HOMER1: variants seen among roughly 807,000 people sequenced by gnomAD.
The protein encoded by HOMER1 is homer scaffold protein 1.
Under a neutral mutation model 48.9 loss-of-function variants are expected in HOMER1, and 3 were observed. That is an observed-to-expected ratio of 0.06 (90% CI 0.03 to 0.16). The LOEUF (loss-of-function observed/expected upper bound fraction) is 0.16. Among genes scored for constraint, HOMER1 ranks in the 10% least tolerant of loss-of-function variants. HOMER1 has a pLI of 1.00. For synonymous variants in HOMER1, 134 were observed against 146.4 expected (o/e 0.92, Z 0.61); for missense variants, 247 against 411.4 (o/e 0.60, Z 3.46).
chr5:79,387,350 A>G (rs971389088), intron 8 of HOMER1, among the ~76,000 whole-genome samples: 1 of 152,036 alleles, frequency 6.6e-6, no homozygotes, highest in African/African-American at 2.4e-5. Context: ...GCTAGTTGCA[A>G]ACTCCTAGTC....
intron 1 of HOMER1, among the ~76,000 whole-genome samples, chr5:79,465,799 T>G (rs570079109): frequency 1.8e-4 from 28 of 151,932 alleles, no homozygotes; most frequent in Non-Finnish European, 3.2e-4. Context: ...TTCACCGTGT[T>G]AGCCAGGATG....
intron 1 of HOMER1, among the ~76,000 whole-genome samples, chr5:79,487,499 T>C (rs1228629426): frequency 3.3e-5 from 5 of 152,132 alleles, no homozygotes; most frequent in Non-Finnish European, 7.4e-5. Context: ...TGCCGAGATC[T>C]AGCAACAAGT....
chr5:79,387,100 T>G (rs535840357), intron 8 of HOMER1, among the ~76,000 whole-genome samples: 2 of 147,658 alleles, frequency 1.4e-5, no homozygotes, highest in African/African-American at 5.0e-5. Context: ...TCTCTCTCTC[T>G]TTCTTTCACA....
intron 8 of HOMER1, among the ~76,000 whole-genome samples, chr5:79,393,342 G>C (rs1235646969): frequency 6.6e-6 from 1 of 152,084 alleles, no homozygotes; most frequent in Non-Finnish European, 1.5e-5. Context: ...GGAAGTCAGA[G>C]AAATTAACAT....
At chr5:79,472,002 A>C (rs1030730530) in intron 1 of HOMER1, among the ~76,000 whole-genome samples, 9 of 151,896 alleles carry the variant, frequency 5.9e-5, no homozygotes, top group African/African-American at 1.9e-4. Flanking sequence ...TCTTCCCTTT[A>C]TTTCTTTTAT....
chr5:79,492,014 T>C (rs911311473), intron 1 of HOMER1, among the ~76,000 whole-genome samples: 2 of 152,210 alleles, frequency 1.3e-5, no homozygotes, highest in Non-Finnish European at 2.9e-5. Context: ...GCCTGTACTG[T>C]ATTGTGCTAC....
intron 6 of HOMER1, among the ~76,000 whole-genome samples, chr5:79,401,199 T>C (rs193272404): frequency 4.2e-4 from 64 of 152,260 alleles, no homozygotes; most frequent in East Asian, 3.5e-3. Flanking sequence ...CTGCAACTCA[T>C]TGAGACAGTG....
intron 1 of HOMER1, among the ~76,000 whole-genome samples, chr5:79,469,508 A>G (rs1357663051): frequency 6.6e-6 from 1 of 152,206 alleles, no homozygotes; most frequent in Non-Finnish European, 1.5e-5. Context: ...TCCTCGAGTC[A>G]TCTAGCTATA....
chr5:79,438,781 A>G (rs555589781), intron 5 of HOMER1, among the ~76,000 whole-genome samples: 1 of 152,226 alleles, frequency 6.6e-6, no homozygotes, highest in South Asian at 2.1e-4. Flanking sequence ...CTTTTTCTAC[A>G]TAAAGGAAAT....
intron 6 of HOMER1, among the ~76,000 whole-genome samples, chr5:79,401,323 AAT>A (rs1292015281): frequency 4.8e-4 from 73 of 152,266 alleles, no homozygotes; most frequent in African/African-American, 1.7e-3. Flanking sequence ...TCTTCACAGG[AAT>A]TGTACAGAGT....
rs529291430 is a variant in HOMER1, at chr5:79,412,356, C to G, written c.528-10301G>C. 1.1e-4 allele frequency among the ~76,000 whole-genome samples: 16 copies of G among 152,296 alleles called. No individual in the cohort carries two copies. In the South Asian group the frequency reaches 2.9e-3, roughly 28 times the overall value. On this transcript the variant is annotated intron_variant, in intron 5 of 8. Transcript: ENST00000334082. Reference sequence around the variant, plus strand: ...TTTGTGTCCAGTCTACTAAAAAATACTTGGAACATTGCAGAGTGAGATAAG... The same window carrying G: ...TTTGTGTCCAGTCTACTAAAAAATAGTTGGAACATTGCAGAGTGAGATAAG...
chr5:79,465,495 T>C (rs1271486760), intron 1 of HOMER1, among the ~76,000 whole-genome samples: 3 of 150,894 alleles, frequency 2.0e-5, no homozygotes, highest in African/African-American at 7.3e-5. Context: ...TTGAAGAAAA[T>C]ATCAAATCTA....
intron 5 of HOMER1, among the ~76,000 whole-genome samples, chr5:79,407,886 T>C (rs901881777): frequency 6.6e-6 from 1 of 152,226 alleles, no homozygotes; most frequent in Non-Finnish European, 1.5e-5. Flanking sequence ...TCATTGTTTC[T>C]CTTTCTGTGG....
chr5:79,501,776 T>C (rs1752599652), intron 1 of HOMER1, among the ~76,000 whole-genome samples: 2 of 152,270 alleles, frequency 1.3e-5, no homozygotes, highest in Non-Finnish European at 2.9e-5. Context: ...AAAGCTATAT[T>C]ACCTCCCATA....
At chr5:79,404,906 A>C (rs2112224836) in intron 5 of HOMER1, among the ~76,000 whole-genome samples, 1 of 149,402 alleles carries the variant, frequency 6.7e-6, no homozygotes, top group Non-Finnish European at 1.5e-5. Context: ...ATAGGGTTTC[A>C]CCATGTTGGC....
At chr5:79,455,304 C>G (rs191072510) in intron 2 of HOMER1, among the ~76,000 whole-genome samples, 51 of 152,276 alleles carry the variant, frequency 3.3e-4, no homozygotes, top group African/African-American at 1.2e-3. Flanking sequence ...GTGTCCCCAT[C>G]CAAATCTCAC....
chr5:79,492,490 T>G (rs938429420), intron 1 of HOMER1, among the ~76,000 whole-genome samples: 4 of 146,716 alleles, frequency 2.7e-5, no homozygotes. Context: ...TTCCTAACTA[T>G]GAAAGAAGGA....
intron 8 of HOMER1, among the ~76,000 whole-genome samples, chr5:79,388,809 T>A (rs919736184): frequency 4.3e-4 from 66 of 151,876 alleles, no homozygotes; most frequent in African/African-American, 1.5e-3. Flanking sequence ...GAAAGTGAGA[T>A]AAAGTAAAGA....
intron 8 of HOMER1, among the ~76,000 whole-genome samples, chr5:79,392,036 C>T (rs1013467585): frequency 2.0e-5 from 3 of 151,768 alleles, no homozygotes; most frequent in Non-Finnish European, 4.4e-5. Flanking sequence ...GTGGTGATGC[C>T]GATATAAATA....
Sources: allele counts gnomAD v4.1 joint callset (sites outside exome capture counted in the v4.1 genomes callset), GRCh38; gene constraint gnomAD v4.1.1; transcripts MANE v1.5; gene names NCBI Gene and HGNC (gene_info 2026-07-23, HGNC 2026-07-21).